Variants in ZCWPW2 observed in about 807,000 individuals in gnomAD.
The protein encoded by ZCWPW2 is zinc finger CW-type PWWP domain protein 2.
ZCWPW2 carries 45 observed loss-of-function variants against 46.6 expected under a neutral mutation model. That is an observed-to-expected ratio of 0.96 (90% CI 0.76 to 1.24). The LOEUF (loss-of-function observed/expected upper bound fraction) is 1.24, where lower values mean the gene tolerates loss of function less well. Ranked by LOEUF, ZCWPW2 falls within the 50% of genes most tolerant of loss-of-function variation. The pLI is 0.00. For synonymous variants in ZCWPW2, 152 were observed against 137.1 expected (o/e 1.11, Z -0.76); for missense variants, 429 against 403.9 (o/e 1.06, Z -0.53).
intron 7 of ZCWPW2, among the ~76,000 whole-genome samples, chr3:28,514,634 A>G (rs1204025709): frequency 6.6e-6 from 1 of 152,200 alleles, no homozygotes; most frequent in Non-Finnish European, 1.5e-5. Flanking sequence ...TATAAGTAGT[A>G]GTCTTAGAAG....
chr3:28,463,696 T>C (rs552009465), intron 4 of ZCWPW2, among the ~76,000 whole-genome samples: 1 of 152,018 alleles, frequency 6.6e-6, no homozygotes, highest in African/African-American at 2.4e-5. Context: ...ATACAGAAAT[T>C]TTTTGGTGGT....
chr3:28,411,682 G>A (rs1696404662), intron 2 of ZCWPW2, among the ~76,000 whole-genome samples: 2 of 152,172 alleles, frequency 1.3e-5, no homozygotes, highest in African/African-American at 4.8e-5. Context: ...CTGCTTTACT[G>A]ACTGGTGACC....
chr3:28,507,881 A>T (rs1458686683), intron 6 of ZCWPW2, among the ~76,000 whole-genome samples: 1 of 152,126 alleles, frequency 6.6e-6, no homozygotes, highest in Non-Finnish European at 1.5e-5. Flanking sequence ...AGGTAAAAAA[A>T]CCCTGTAGAT....
At chr3:28,426,667 A>G (rs1234183169) in intron 3 of ZCWPW2, among the ~76,000 whole-genome samples, 2 of 152,154 alleles carry the variant, frequency 1.3e-5, no homozygotes. Context: ...CTGAAAGGAA[A>G]ACTTCCCTTT....
chr3:28,508,268 A>G (rs1046210501), intron 6 of ZCWPW2, among the ~76,000 whole-genome samples: 1 of 152,158 alleles, frequency 6.6e-6, no homozygotes, highest in Non-Finnish European at 1.5e-5. Context: ...TCAAATTTCA[A>G]CAAGAAGTTT....
At chr3:28,516,766 G>A (rs915877579) in intron 8 of ZCWPW2, among the ~76,000 whole-genome samples, 2 of 152,056 alleles carry the variant, frequency 1.3e-5, no homozygotes, top group Admixed American at 1.3e-4. Flanking sequence ...TAGCACCTTG[G>A]GAGGCTGAGG....
rs553206987 is a variant in ZCWPW2, at chr3:28,425,704, G to A, written c.333-9406G>A. On this transcript the variant is annotated intron_variant, in intron 3 of 9. Transcript: ENST00000383768. Reference sequence around the variant, plus strand: ...ATCTATATAATAAAAACAAATAATTGTCAAGAGAATAGCACTTTCTTTTCC... The same window carrying A: ...ATCTATATAATAAAAACAAATAATTATCAAGAGAATAGCACTTTCTTTTCC... 3.3e-5 allele frequency among the ~76,000 whole-genome samples: 5 copies of A among 152,270 alleles called. No homozygotes were observed. The South Asian group carries it at 8.3e-4, about 25-fold the overall frequency.
In ZCWPW2 at chr3:28,501,382, C is replaced by T. The variant is rs145108558; in HGVS notation, c.657+9209C>T. On this transcript the variant is annotated intron_variant, in intron 6 of 9. Coordinates refer to ENST00000383768, the MANE Select transcript of ZCWPW2 (RefSeq NM_001040432.4). Reference sequence around the variant, plus strand: ...GTGAAATCTCCTGGTTTTTGGAAGACAGGCTTATGTCTCAGTTCAGTTTGA... The same window carrying T: ...GTGAAATCTCCTGGTTTTTGGAAGATAGGCTTATGTCTCAGTTCAGTTTGA... 2.5e-3 allele frequency among the ~76,000 whole-genome samples: 375 copies of T among 152,260 alleles called. 1 individual carries two copies. Among genetic ancestry groups the T allele is most frequent in the African/African-American group, 8.2e-3 (342 of 41,556 alleles).
intron 4 of ZCWPW2, among the ~76,000 whole-genome samples, chr3:28,445,620 G>T (rs953150440): frequency 2.0e-5 from 3 of 152,046 alleles, no homozygotes; most frequent in Non-Finnish European, 4.4e-5. Context: ...AGCCAGTAAG[G>T]CAAGAAATGA....
At chr3:28,408,207 A>C (rs1050210722) in intron 2 of ZCWPW2, among the ~76,000 whole-genome samples, 7 of 152,208 alleles carry the variant, frequency 4.6e-5, no homozygotes, top group South Asian at 4.1e-4. Flanking sequence ...AGAAAATTTG[A>C]AAACCTTATC....
chr3:28,425,912 C>G (rs1230582854), intron 3 of ZCWPW2, among the ~76,000 whole-genome samples: 1 of 152,034 alleles, frequency 6.6e-6, no homozygotes, highest in Non-Finnish European at 1.5e-5. Context: ...GAGTTCGAGA[C>G]CAACCTGACC....
intron 1 of ZCWPW2, among the ~76,000 whole-genome samples, chr3:28,363,177 C>G (rs1378594449): frequency 6.6e-6 from 1 of 152,062 alleles, no homozygotes; most frequent in Non-Finnish European, 1.5e-5. Context: ...ATGAGTTTCC[C>G]TGTCTAACAT....
chr3:28,350,703 G>T lies in ZCWPW2; in HGVS notation c.-134+1500G>T, dbSNP rs559569202. Among the ~76,000 whole-genome samples the T allele has an allele frequency of 9.8e-4, 147 of 150,272 alleles. 6 individuals carry two copies. The highest frequency in any genetic ancestry group is 3.6e-3 in the African/African-American group (144 of 40,086). On this transcript the variant is annotated intron_variant, in intron 1 of 9. Transcript: ENST00000383768. The stretch of plus-strand genomic sequence containing the variant: ...TTAACTTTCTCAAATAAAATAAATT[G>T]TTAGAGAAAACTTGTTACACAGTTC...
intron 1 of ZCWPW2, among the ~76,000 whole-genome samples, chr3:28,386,433 T>C (rs899517525): frequency 6.6e-6 from 1 of 152,188 alleles, no homozygotes; most frequent in Non-Finnish European, 1.5e-5. Flanking sequence ...TGATATTTTG[T>C]TATTCCTCCC....
chr3:28,474,586 CGTGTGTGT>C lies in ZCWPW2; in HGVS notation c.493-4200_493-4193del, dbSNP rs71087699. 9.1e-3 allele frequency among the ~76,000 whole-genome samples: 1,233 copies of C among 136,192 alleles called. 8 individuals are homozygous for C. The highest frequency in any genetic ancestry group is 0.027 in the Middle Eastern group (7 of 258). 89.3% of individuals were successfully genotyped at this position (136,192 alleles called of 152,430 possible). On this transcript the variant is annotated intron_variant, in intron 4 of 9. Coordinates refer to ENST00000383768, the MANE Select transcript of ZCWPW2 (RefSeq NM_001040432.4). ...CCATATTTCTTGCCTTTAAATACAG[CGTGTGTGT>C]GTGTGTGTGTGTGTGTGTGTGTGTG...
chr3:28,515,373 G>A (rs1408315891), intron 7 of ZCWPW2, among the ~76,000 whole-genome samples, 181 bp from the exon 8 acceptor site: 1 of 152,100 alleles, frequency 6.6e-6, no homozygotes, highest in Non-Finnish European at 1.5e-5. Flanking sequence ...GCTCAAATCA[G>A]TATTAGTCTT....
At chr3:28,414,301 T>A (rs984513020) in intron 3 of ZCWPW2, among the ~76,000 whole-genome samples, 70 of 151,990 alleles carry the variant, frequency 4.6e-4, no homozygotes, top group Non-Finnish European at 5.4e-4. Flanking sequence ...TACAAAAAAA[T>A]TTTTCATTAG....
intron 1 of ZCWPW2, among the ~76,000 whole-genome samples, chr3:28,357,636 T>C (rs1704787884): frequency 6.6e-6 from 1 of 151,860 alleles, no homozygotes; most frequent in African/African-American, 2.4e-5. Flanking sequence ...TGGACTAGAA[T>C]TTATAGCATT....
At chr3:28,386,586 TTTA>T (rs1695281791) in intron 1 of ZCWPW2, among the ~76,000 whole-genome samples, 1 of 152,320 alleles carries the variant, frequency 6.6e-6, no homozygotes, top group East Asian at 1.9e-4. Flanking sequence ...ATATTTATTT[TTTA>T]TTATTTTGAT....
Sources: allele counts gnomAD v4.1 joint callset (sites outside exome capture counted in the v4.1 genomes callset), GRCh38; gene constraint gnomAD v4.1.1; transcripts MANE v1.5; gene names NCBI Gene and HGNC (gene_info 2026-07-23, HGNC 2026-07-21).